TFDP2: variants seen among roughly 807,000 people sequenced by gnomAD.
The protein encoded by TFDP2 is transcription factor Dp-2 (E2F dimerization partner 2).
TFDP2 carries 17 observed loss-of-function variants against 59.3 expected under a neutral mutation model. That is an observed-to-expected ratio of 0.29 (90% confidence interval 0.20 to 0.43). The LOEUF (loss-of-function observed/expected upper bound fraction) is 0.43, where lower values mean the gene tolerates loss of function less well. Ranked by LOEUF, TFDP2 falls within the 20% of genes least tolerant of loss-of-function variation. The pLI is 1.00. For synonymous variants in TFDP2, 180 were observed against 194.7 expected, an observed-to-expected ratio of 0.92 and a Z score of 0.63; for missense variants, 391 against 528.8, an observed-to-expected ratio of 0.74 and a Z score of 2.56.
chr3:142,045,566 G>A (rs1221036849), intron 3 of TFDP2, among the ~76,000 whole-genome samples: 1 of 148,494 alleles, frequency 6.7e-6, no homozygotes, highest in Non-Finnish European at 1.5e-5. Flanking sequence ...TAAGAAAAAA[G>A]TTAAGTAAAT....
At chr3:142,115,387 C>T (rs62284573) in intron 1 of TFDP2, among the ~76,000 whole-genome samples, 8,759 of 150,000 alleles carry the variant, frequency 0.058, 362 homozygotes, top group East Asian at 0.2. Flanking sequence ...GGCGCGATCT[C>T]GGCTCACTGC....
At chr3:142,038,255 A>G (rs9863685) in intron 3 of TFDP2, among the ~76,000 whole-genome samples, 130,932 of 151,670 alleles carry the variant, frequency 0.86, 56,886 homozygotes, top group African/African-American at 0.97. Flanking sequence ...GTAGTGGCGG[A>G]AGCCTGTAGT....
chr3:142,091,195 C>A (rs2060986661), intron 3 of TFDP2, among the ~76,000 whole-genome samples: 1 of 152,078 alleles, frequency 6.6e-6, no homozygotes, highest in African/African-American at 2.4e-5. Context: ...CCTAGTGCAT[C>A]CCACAAATGT....
At chr3:142,004,561 G>C (rs1305269822) in intron 4 of TFDP2, among the ~76,000 whole-genome samples, 1 of 152,196 alleles carries the variant, frequency 6.6e-6, no homozygotes, top group African/African-American at 2.4e-5. Context: ...TTCTGAAAGT[G>C]CTACACACTT....
intron 3 of TFDP2, among the ~76,000 whole-genome samples, chr3:142,075,906 C>CAAACAAAAAAA (rs2060434528): frequency 1.2e-5 from 1 of 80,724 alleles, no homozygotes; most frequent in African/African-American, 5.5e-5. Flanking sequence ...GAACCTGCCT[C>CAAACAAAAAAA]AAAAAAAAAA....
intron 7 of TFDP2, among the ~76,000 whole-genome samples, chr3:141,974,914 T>C (rs1423164445): frequency 1.4e-5 from 2 of 139,466 alleles, no homozygotes; most frequent in East Asian, 2.0e-4. Flanking sequence ...CTTCTTTTTT[T>C]TTTTTTTTTT....
At chr3:141,988,486 C>T (rs924628680) in intron 6 of TFDP2, among the ~76,000 whole-genome samples, 4 of 152,000 alleles carry the variant, frequency 2.6e-5, no homozygotes, top group Admixed American at 6.6e-5. Context: ...TGAGGTTCTT[C>T]CTGATCTAGT....
Position 141,952,257 on chromosome 3 carries a change from C to A in TFDP2, c.*256G>T. The A allele has an allele frequency of 2.9e-6, 1 of 339,922 alleles. No individual in the cohort carries two copies. The highest frequency in any genetic ancestry group is 5.7e-5 in the East Asian group (1 of 17,436). 21.1% of individuals were successfully genotyped at this position (339,922 alleles called of 1,614,324 possible). On this transcript the variant is annotated 3_prime_UTR_variant, in exon 13 of 13. Transcript: ENST00000489671. The stretch of plus-strand genomic sequence containing the variant: ...ACTGCCAACTCTTCAGGGATTATCC[C>A]CACTATCTCCTCAGAAAGCATGCTT...
At chr3:142,078,046 A>ACTC (rs770831312) in intron 3 of TFDP2, among the ~76,000 whole-genome samples, 2 of 151,890 alleles carry the variant, frequency 1.3e-5, no homozygotes, top group Non-Finnish European at 2.9e-5. Flanking sequence ...GCCTCTCAGT[A>ACTC]CTCTCTATGG....
intron 3 of TFDP2, among the ~76,000 whole-genome samples, chr3:142,015,604 G>C (rs181878035): frequency 6.7e-4 from 102 of 152,122 alleles, no homozygotes; most frequent in African/African-American, 2.3e-3. Context: ...TAACACTCTG[G>C]TCCCGGCCAA....
At chr3:142,059,869 A>G (rs347687) in intron 3 of TFDP2, among the ~76,000 whole-genome samples, 68,670 of 152,000 alleles carry the variant, frequency 0.45, 17,228 homozygotes, top group East Asian at 0.74. Flanking sequence ...GGCTTGAGCA[A>G]CTGTGTCCAG....
At chr3:142,134,931 T>C (rs561328245) in intron 1 of TFDP2, among the ~76,000 whole-genome samples, 1 of 152,254 alleles carries the variant, frequency 6.6e-6, no homozygotes, top group Admixed American at 6.5e-5. Context: ...TCAAACACAG[T>C]AACTTTTCTG....
intron 3 of TFDP2, among the ~76,000 whole-genome samples, chr3:142,006,032 C>T (rs1333045487): frequency 2.6e-5 from 4 of 152,090 alleles, no homozygotes; most frequent in Non-Finnish European, 5.9e-5. Flanking sequence ...TTCAAACTGT[C>T]AAATTGGTAA....
intron 3 of TFDP2, chr3:142,054,139 T>C (rs2059661296): frequency 6.6e-6 from 1 of 152,238 alleles, no homozygotes; most frequent in Non-Finnish European, 1.5e-5. Flanking sequence ...ATTCCACTTC[T>C]AGGTATTTAC....
Position 141,995,204 on chromosome 3 carries a change from A to G in TFDP2, c.187-63T>C, listed in dbSNP as rs968683238. The G allele has an allele frequency of 5.9e-5, 81 of 1,367,254 alleles. No homozygotes were observed. In the African/African-American group the frequency reaches 1.1e-3, roughly 18 times the overall value. The allele number at this position is 1,367,254 out of a possible 1,614,324, so 84.7% of individuals were successfully genotyped here. A position where few individuals can be genotyped will look rare whatever the true frequency, so the allele number is the denominator to read the frequency against. On this transcript the variant is annotated intron_variant, in intron 4 of 12. Transcript: ENST00000489671. Reference sequence around the variant, plus strand: ...TATTAAGAAAAGCCTACAGGCAGAAAATAACATTGATTGCTAACCTACATA... The same window carrying G: ...TATTAAGAAAAGCCTACAGGCAGAAGATAACATTGATTGCTAACCTACATA...
At chr3:142,043,493 A>T in intron 3 of TFDP2, 1 of 457,286 alleles carries the variant, frequency 2.2e-6, no homozygotes. Context: ...CCTCCCAAGT[A>T]GCTGGGATTA....
chr3:142,022,076 T>A (rs1945661208), intron 3 of TFDP2, among the ~76,000 whole-genome samples: 1 of 152,208 alleles, frequency 6.6e-6, no homozygotes, highest in African/African-American at 2.4e-5. Context: ...TTGAAATGTA[T>A]CTTCTGATTA....
chr3:142,023,246 G>A (rs866530451), intron 3 of TFDP2, among the ~76,000 whole-genome samples: 6 of 150,918 alleles, frequency 4.0e-5, no homozygotes, highest in African/African-American at 7.3e-5. Flanking sequence ...GTGCAGTGGC[G>A]TGATCTCAGC....
chr3:142,100,711 C>CT (rs1576984239), intron 2 of TFDP2, among the ~76,000 whole-genome samples: 1 of 150,802 alleles, frequency 6.6e-6, no homozygotes, highest in East Asian at 1.9e-4. Context: ...TCTGAACAGG[C>CT]TGGTCCCCTA....
Sources: allele counts gnomAD v4.1 joint callset (sites outside exome capture counted in the v4.1 genomes callset), GRCh38; gene constraint gnomAD v4.1.1; transcripts MANE v1.5; gene names NCBI Gene and HGNC (gene_info 2026-07-23, HGNC 2026-07-21).